The following DBF4 variants were observed in gnomAD, a reference collection of about 807,000 sequenced individuals.
DBF4 encodes protein DBF4 homolog A.
DBF4 carries 25 observed loss-of-function variants against 76.6 expected under a neutral mutation model. The ratio of observed to expected loss-of-function variants is 0.33; its 90% confidence interval spans 0.24 to 0.46. The LOEUF is 0.46. Among genes scored for constraint, DBF4 ranks in the 20% least tolerant of loss-of-function variants. DBF4 has a pLI of 1.00. For synonymous variants in DBF4, 213 were observed against 258.0 expected (o/e 0.83, Z 1.67); for missense variants, 638 against 760.8 (o/e 0.84, Z 1.90).
chr7:87,896,504 A>G lies in DBF4; in HGVS notation c.628A>G (p.Thr210Ala), dbSNP rs1357656767. 6.2e-7 allele frequency: 1 copy of G among 1,611,518 alleles called. No individual in the cohort carries two copies. The highest frequency in any genetic ancestry group is 8.5e-7 in the Non-Finnish European group (1 of 1,178,856). Residue 210 changes from threonine (T) to alanine (A), a missense_variant, in exon 7 of 12, where the codon ACA becomes GCA. Thr to Ala is a moderately conservative substitution (Grantham distance 58). Transcript: ENST00000265728. The part of the protein sequence containing the change: ...GKRVGSGAQK[T>A]RTGRLKKPFV... Reference sequence around the variant, plus strand: ...AAGAGTTGGTAGTGGTGCACAAAAAACAAGAAGTAAGTATTTTGTGATCTT... The same window carrying G: ...AAGAGTTGGTAGTGGTGCACAAAAAGCAAGAAGTAAGTATTTTGTGATCTT...
chr7:87,895,757 A>G (rs772934433), intron 6 of DBF4, among the ~76,000 whole-genome samples: 5 of 152,126 alleles, frequency 3.3e-5, no homozygotes, highest in Non-Finnish European at 7.3e-5. Context: ...CTAGTCAGAA[A>G]GTGAGGGTTT....
chr7:87,907,210 CT>C lies in DBF4; in HGVS notation c.1075del (p.Ser359LeufsTer8), dbSNP rs1839931611. The C allele has an allele frequency of 6.2e-7, 1 of 1,604,338 alleles. No homozygotes were observed. Among genetic ancestry groups the C allele is most frequent in the Admixed American group, 1.7e-5 (1 of 57,850 alleles). On this transcript the variant is annotated frameshift_variant, in exon 12 of 12. Transcript: ENST00000265728. LOFTEE classifies it high-confidence loss of function. ...AAGAATAAAATACAGTGTTGGATCC[CT>C]TTCTCCTGTTTCTGCAAGTGTCCTG... is the stretch of plus-strand genomic sequence containing the variant. ...KKRIKYSVGS[L>X]SPVSASVLKK...
intron 2 of DBF4, among the ~76,000 whole-genome samples, chr7:87,879,404 A>G (rs1447406825): frequency 6.6e-6 from 1 of 152,168 alleles, no homozygotes. Context: ...TAATAGTTGT[A>G]TTTATGGTAA....
intron 6 of DBF4, among the ~76,000 whole-genome samples, chr7:87,889,214 T>A (rs1469022985): frequency 6.6e-6 from 1 of 152,090 alleles, no homozygotes; most frequent in Non-Finnish European, 1.5e-5. Context: ...AAAGATCTTC[T>A]GGTTGACAGT....
In DBF4 at chr7:87,908,013, T is replaced by C; in HGVS notation, c.1875T>C (p.Ser625=). The C allele has an allele frequency of 6.2e-7, 1 of 1,613,800 alleles. No individual in the cohort carries two copies. ...VQSLLDLFQT[S]EEKSEFLGFT... is the part of the protein sequence containing the mutation. Reference sequence around the variant, plus strand: ...CTTTACTAGACTTGTTTCAGACTAGTGAAGAGAAATCAGAATTTTTGGGTT... The same window carrying C: ...CTTTACTAGACTTGTTTCAGACTAGCGAAGAGAAATCAGAATTTTTGGGTT... Residue 625 remains serine (S), a synonymous_variant, in exon 12 of 12, where the codon AGT becomes AGC. Transcript: ENST00000265728.
At chr7:87,892,925 T>G (rs180724029) in intron 6 of DBF4, among the ~76,000 whole-genome samples, 1 of 152,216 alleles carries the variant, frequency 6.6e-6, no homozygotes, top group South Asian at 2.1e-4. Context: ...TTAAAAAATT[T>G]ATCAGAGTTA....
At chr7:87,898,931 A>G (rs1562764596) in intron 8 of DBF4, among the ~76,000 whole-genome samples, 1 of 152,242 alleles carries the variant, frequency 6.6e-6, no homozygotes, top group African/African-American at 2.4e-5. Context: ...TAGAGAGCCT[A>G]GAAATAAACC....
Position 87,908,361 on chromosome 7 carries a change from G to A in DBF4, c.*198G>A, listed in dbSNP as rs1053814514. The stretch of plus-strand genomic sequence containing the variant: ...AAATTACAGAATAAACTTGTGACTG[G>A]TCTTGTTTTACATTATATATATGTT... On this transcript the variant is annotated 3_prime_UTR_variant, in exon 12 of 12. Transcript: ENST00000265728. 1.4e-5 allele frequency: 6 copies of A among 441,218 alleles called. No individual in the cohort carries two copies. The highest frequency in any genetic ancestry group is 2.2e-5 in the Non-Finnish European group (6 of 267,090). The allele number at this position is 441,218 out of a possible 1,614,324, so 27.3% of individuals were successfully genotyped here.
intron 8 of DBF4, 34 bp from the exon 9 acceptor site, chr7:87,900,187 A>G: frequency 6.6e-7 from 1 of 1,522,356 alleles, no homozygotes; most frequent in South Asian, 1.2e-5. Flanking sequence ...TTAATCATAA[A>G]GAATCTCATG....
chr7:87,880,961 A>C (rs1215342853), intron 2 of DBF4, among the ~76,000 whole-genome samples: 1 of 152,254 alleles, frequency 6.6e-6, no homozygotes, highest in Non-Finnish European at 1.5e-5. Context: ...GATGTTCGTC[A>C]TGATCACCTT....
chr7:87,878,556 A>G (rs190263765), intron 2 of DBF4: 15 of 190,104 alleles, frequency 7.9e-5, no homozygotes, highest in Non-Finnish European at 1.4e-4. Context: ...TTGGGGAGCT[A>G]CATAAGTTTG....
chr7:87,893,936 C>T (rs959577102), intron 6 of DBF4, among the ~76,000 whole-genome samples: 19 of 152,096 alleles, frequency 1.2e-4, no homozygotes, highest in African/African-American at 4.6e-4. Context: ...TAACTCTCTT[C>T]ATTTTTGTTG....
intron 2 of DBF4, among the ~76,000 whole-genome samples, chr7:87,882,130 A>G (rs1562756991): frequency 6.6e-6 from 1 of 152,206 alleles, no homozygotes; most frequent in African/African-American, 2.4e-5. Context: ...ACATAAGAAC[A>G]GACATACAGA....
rs1839960892 is a variant in DBF4 at position 87,908,351 on chromosome 7, CTT to C, written c.*189_*190del. ...TGTTAAAGAAAAATTACAGAATAAA[CTT>C]GTGACTGGTCTTGTTTTACATTATA... On this transcript the variant is annotated 3_prime_UTR_variant, in exon 12 of 12. Transcript: ENST00000265728. 1 of 476,250 alleles carries C rather than the reference CTT, an allele frequency of 2.1e-6. No homozygotes were observed. Among genetic ancestry groups the C allele is most frequent in the African/African-American group, 2.0e-5 (1 of 49,416 alleles). 29.5% of individuals were successfully genotyped at this position (476,250 alleles called of 1,614,324 possible).
At chr7:87,885,471 A>C (rs1839323162) in intron 3 of DBF4, among the ~76,000 whole-genome samples, 1 of 152,242 alleles carries the variant, frequency 6.6e-6, no homozygotes, top group South Asian at 2.1e-4. Context: ...AAACCTTTTT[A>C]ATTTTCAGAG....
intron 6 of DBF4, among the ~76,000 whole-genome samples, chr7:87,892,448 C>T (rs900055801): frequency 1.3e-5 from 2 of 152,086 alleles, no homozygotes; most frequent in East Asian, 1.9e-4. Context: ...AGTAATATTT[C>T]ATTTTCTATA....
At chr7:87,907,000 T>C (rs1033776485) in intron 11 of DBF4, among the ~76,000 whole-genome samples, 188 bp from the exon 12 acceptor site, 1 of 152,204 alleles carries the variant, frequency 6.6e-6, no homozygotes, top group Non-Finnish European at 1.5e-5. Context: ...TGAAAAGTTG[T>C]ATTACTTTAA....
rs868382074 is a variant in DBF4, at chr7:87,904,336, G to T, written c.969G>T (p.Gln323His). Residue 323 changes from glutamine to histidine, a missense_variant, in exon 11 of 12, where the codon CAG becomes CAT. By Grantham distance (24) the Gln-to-His change is conservative. Coordinates refer to ENST00000265728, the MANE Select transcript of DBF4 (RefSeq NM_006716.4). ...EQHRNFAQSN[Q>H]YQVVDDIVSK... ...ACAGAAACTTTGCACAGAGTAACCA[G>T]TATCAAGTTGTTGATGATATTGTAT... 1 of 1,613,856 alleles carries T rather than the reference G, an allele frequency of 6.2e-7. No homozygotes were observed.
chr7:87,888,266 C>T (rs886835569), intron 6 of DBF4: 9 of 981,656 alleles, frequency 9.2e-6, no homozygotes, highest in South Asian at 9.4e-5. Flanking sequence ...TGGCATAGGT[C>T]GCTTCCTCAG....
Sources: allele counts gnomAD v4.1 joint callset (sites outside exome capture counted in the v4.1 genomes callset), GRCh38; gene constraint gnomAD v4.1.1; transcripts MANE v1.5; gene names NCBI Gene and HGNC (gene_info 2026-07-23, HGNC 2026-07-21).